TET2: variants seen among roughly 807,000 people sequenced by gnomAD.
The protein encoded by TET2 is tet methylcytosine dioxygenase 2, also known as methylcytosine dioxygenase TET2.
In TET2, 299 loss-of-function variants were observed where a neutral mutation model predicts 142.9. That is an observed-to-expected ratio of 2.09 (90% CI 1.90 to 2.30). The LOEUF is 2.30. TET2 is among the 30% of genes most tolerant of loss of function. TET2 has a pLI of 0.00. For missense variants in TET2, 2,418 were observed against 2,378.0 expected (o/e 1.02, Z -0.35); for synonymous variants, 819 against 849.0 (o/e 0.96, Z 0.61).
intron 3 of TET2, chr4:105,237,557 C>T: frequency 6.6e-7 from 1 of 1,521,724 alleles, no homozygotes; most frequent in Non-Finnish European, 8.8e-7. Flanking sequence ...GCAGTTTTTC[C>T]AAAAGAATTA....
intron 7 of TET2, among the ~76,000 whole-genome samples, chr4:105,260,153 A>C (rs1730351380): frequency 6.6e-6 from 1 of 152,164 alleles, no homozygotes; most frequent in South Asian, 2.1e-4. Flanking sequence ...AAATAATTTA[A>C]AGTCACTGTA....
intron 8 of TET2, among the ~76,000 whole-genome samples, chr4:105,267,471 T>C (rs1346123322): frequency 6.6e-6 from 1 of 151,236 alleles, no homozygotes; most frequent in African/African-American, 2.4e-5. Flanking sequence ...TTATACGATA[T>C]GTGGACTGGG....
Position 105,237,283 on chromosome 4 carries a change from C to T in TET2, c.3341C>T (p.Thr1114Ile), listed in dbSNP as rs564371231. ...GAGTCACCTTCCAAATTACTAGATA[C>T]TCCTATAAAAAATTTATTGGATACA... is the stretch of plus-strand genomic sequence containing the variant. ...FIESPSKLLD[T>I]PIKNLLDTPV... The change falls in exon 3 of 11, where the codon ACT becomes ATT. Residue 1114 changes from threonine to isoleucine, a missense_variant. Physicochemically the swap from Thr to Ile is moderately conservative, Grantham distance 89 (BLOSUM62 -1). Coordinates refer to ENST00000380013, the MANE Select transcript of TET2 (RefSeq NM_001127208.3). 3 of 1,614,056 alleles carry T rather than the reference C, an allele frequency of 1.9e-6. No individual in the cohort carries two copies. The South Asian group carries it at 3.3e-5, about 18-fold the overall frequency.
At chr4:105,219,694 G>C (rs986643345) in intron 2 of TET2, among the ~76,000 whole-genome samples, 4 of 152,074 alleles carry the variant, frequency 2.6e-5, no homozygotes, top group Admixed American at 2.6e-4. Context: ...CTGAAGATAT[G>C]AGACAATGTA....
chr4:105,211,006 C>T lies in TET2; in HGVS notation c.-47+20501C>T, dbSNP rs560990803. On this transcript the variant is annotated intron_variant, in intron 2 of 10. Transcript: ENST00000380013. ...AAATAATAATCTTAACACTTTACTC[C>T]TCCATGGCCTTTACATACTTCTAGC... Among the ~76,000 whole-genome samples, 3 of 152,284 alleles carry T rather than the reference C, an allele frequency of 2.0e-5. No individual in the cohort carries two copies. In the South Asian group the frequency reaches 6.2e-4, roughly 32 times the overall value.
At chr4:105,182,056 C>T (rs1289687837) in intron 1 of TET2, among the ~76,000 whole-genome samples, 2 of 151,798 alleles carry the variant, frequency 1.3e-5, no homozygotes, top group Admixed American at 6.6e-5. Context: ...ATTTTTATTT[C>T]TTTTATCAAA....
At chr4:105,197,030 A>G (rs896918585) in intron 2 of TET2, among the ~76,000 whole-genome samples, 1 of 152,204 alleles carries the variant, frequency 6.6e-6, no homozygotes, top group African/African-American at 2.4e-5. Context: ...GTGTCAAAAC[A>G]TGATAATCTC....
chr4:105,259,063 A>G (rs1284676426), intron 6 of TET2, among the ~76,000 whole-genome samples: 1 of 152,174 alleles, frequency 6.6e-6, no homozygotes, highest in Non-Finnish European at 1.5e-5. Context: ...ATATAATTCC[A>G]TATACCTATG....
chr4:105,176,775 T>G (rs1724821237), intron 1 of TET2, among the ~76,000 whole-genome samples: 1 of 152,128 alleles, frequency 6.6e-6, no homozygotes, highest in Non-Finnish European at 1.5e-5. Flanking sequence ...ATTCTAAAGT[T>G]TATATGGAGA....
At position 105,236,160 on chromosome 4, in the gene TET2, CAA is replaced by C; in HGVS notation, c.2221_2222del (p.Asn741ProfsTer12). The C allele has an allele frequency of 6.2e-7, 1 of 1,614,074 alleles. No homozygotes were observed. Among genetic ancestry groups the C allele is most frequent in the South Asian group, 1.1e-5 (1 of 91,082 alleles). On this transcript the variant is annotated frameshift_variant, in exon 3 of 11. Coordinates refer to ENST00000380013, the MANE Select transcript of TET2 (RefSeq NM_001127208.3). LOFTEE classifies it high-confidence loss of function. ...ACCATCCCAGAGTTCACATCTCCCTCAAAACCAGCAACAGCAGCAAAAATTAC... is the reference window on the plus strand; with the variant it reads ...ACCATCCCAGAGTTCACATCTCCCTCAACCAGCAACAGCAGCAAAAATTAC... ...TQPSQSSHLP[Q>X]NQQQQQKLQI... is the part of the protein sequence containing the mutation.
chr4:105,183,035 A>G (rs528006945), intron 1 of TET2, among the ~76,000 whole-genome samples: 12 of 152,326 alleles, frequency 7.9e-5, no homozygotes, highest in African/African-American at 2.9e-4. Context: ...CCCCCAAAAT[A>G]CGAAAAATAA....
intron 1 of TET2, among the ~76,000 whole-genome samples, chr4:105,180,864 C>A (rs1285227175): frequency 6.6e-6 from 1 of 152,150 alleles, no homozygotes. Flanking sequence ...GTCTTGAACT[C>A]CTGACCTCAG....
chr4:105,230,696 G>T (rs1728456598), intron 2 of TET2, among the ~76,000 whole-genome samples: 1 of 151,974 alleles, frequency 6.6e-6, no homozygotes, highest in South Asian at 2.1e-4. Context: ...TTATTTGTAG[G>T]CGTCCTATAT....
chr4:105,155,976 T>C (rs886895764), intron 1 of TET2, among the ~76,000 whole-genome samples: 1 of 152,214 alleles, frequency 6.6e-6, no homozygotes, highest in Non-Finnish European at 1.5e-5. Context: ...AGCAGTAAGA[T>C]AGAATTTAGG....
At chr4:105,207,568 C>T (rs1726902954) in intron 2 of TET2, among the ~76,000 whole-genome samples, 1 of 151,952 alleles carries the variant, frequency 6.6e-6, no homozygotes, top group African/African-American at 2.4e-5. Context: ...TTTAAGGGAT[C>T]ATAAAAGGAA....
chr4:105,244,598 T>TG (rs1411607442), intron 6 of TET2, among the ~76,000 whole-genome samples: 1 of 141,288 alleles, frequency 7.1e-6, no homozygotes, highest in Non-Finnish European at 1.5e-5. Context: ...TTTTTTTTTT[T>TG]TTTTTTTTTT....
At chr4:105,229,564 C>T (rs949000909) in intron 2 of TET2, among the ~76,000 whole-genome samples, 6 of 152,102 alleles carry the variant, frequency 3.9e-5, no homozygotes, top group African/African-American at 9.7e-5. Flanking sequence ...CTGCCTCAGC[C>T]TCCCAAAGTG....
chr4:105,193,087 G>T (rs1715353542), intron 2 of TET2, among the ~76,000 whole-genome samples: 1 of 152,098 alleles, frequency 6.6e-6, no homozygotes. Flanking sequence ...CAAGAACTTT[G>T]GAAGTTGAAT....
chr4:105,202,663 A>G (rs1726554115), intron 2 of TET2: 14 of 152,190 alleles, frequency 9.2e-5, no homozygotes, highest in Admixed American at 9.2e-4. Flanking sequence ...AATGACACTT[A>G]GTATTTTTAG....
Sources: allele counts gnomAD v4.1 joint callset (sites outside exome capture counted in the v4.1 genomes callset), GRCh38; gene constraint gnomAD v4.1.1; transcripts MANE v1.5; gene names NCBI Gene and HGNC (gene_info 2026-07-23, HGNC 2026-07-21).